TENM2: variants seen among roughly 807,000 people sequenced by gnomAD.
TENM2 encodes the protein teneurin-2.
In TENM2, 52 loss-of-function variants were observed where a neutral mutation model predicts 245.2. The ratio of observed to expected loss-of-function variants is 0.21; its 90% CI spans 0.17 to 0.27. The LOEUF (loss-of-function observed/expected upper bound fraction) is 0.27, where lower values mean the gene tolerates loss of function less well. Ranked by LOEUF, TENM2 falls within the 10% of genes least tolerant of loss-of-function variation. The pLI is 1.00. For synonymous variants in TENM2, 1,363 were observed against 1,438.9 expected, an observed-to-expected ratio of 0.95 and a Z score of 1.19; for missense variants, 3,046 against 3,666.8, an observed-to-expected ratio of 0.83 and a Z score of 4.37.
intron 4 of TENM2, among the ~76,000 whole-genome samples, chr5:167,987,996 G>A (rs2151992358): frequency 1.3e-5 from 2 of 152,278 alleles, no homozygotes; most frequent in South Asian, 2.1e-4. Context: ...TCTTTCAGCT[G>A]CAATCATCAC....
At chr5:167,267,287 C>G in the TENM2 span, among the ~76,000 whole-genome samples, 1 of 152,100 alleles carries the variant, frequency 6.6e-6, no homozygotes, top group Non-Finnish European at 1.5e-5. Context: ...ATCAAGCATG[C>G]CTTTCTTTTC....
intron 4 of TENM2, among the ~76,000 whole-genome samples, chr5:167,973,556 G>T (rs1273125643): frequency 6.6e-6 from 1 of 152,178 alleles, no homozygotes; most frequent in African/African-American, 2.4e-5. Context: ...CTGGACATGA[G>T]CTCAGGGGAC....
chr5:168,239,884 C>T (rs1473680757), intron 25 of TENM2, among the ~76,000 whole-genome samples: 2 of 151,886 alleles, frequency 1.3e-5, no homozygotes, highest in African/African-American at 4.8e-5. Flanking sequence ...GTATTTTAAC[C>T]AAGAGTACAC....
At chr5:167,393,085 G>C (rs954127013) in intron 2 of TENM2, among the ~76,000 whole-genome samples, 1 of 150,084 alleles carries the variant, frequency 6.7e-6, no homozygotes, top group Non-Finnish European at 1.5e-5. Flanking sequence ...TCATGCTACT[G>C]CACTCCAGCA....
intron 2 of TENM2, among the ~76,000 whole-genome samples, chr5:167,459,665 A>G (rs1766157389): frequency 6.6e-6 from 1 of 152,188 alleles, no homozygotes. Context: ...CTCCACATAC[A>G]CACCAACACC....
chr5:167,011,238 G>T, the TENM2 span, among the ~76,000 whole-genome samples: 3 of 152,176 alleles, frequency 2.0e-5, no homozygotes, highest in Non-Finnish European at 2.9e-5. Flanking sequence ...AAGAGCCATT[G>T]TAACTGGAAA....
rs922409820 is a variant in TENM2, at chr5:167,511,055, T to C, written c.502+135582T>C. On this transcript the variant is annotated intron_variant, in intron 2 of 28. Coordinates refer to ENST00000518659, the Ensembl canonical transcript of TENM2. ...ACCATCCCTTTCTTCTTCTACATTT[T>C]ATCCTATGCCATTTATCCCACATGT... Among the ~76,000 whole-genome samples, 6 of 152,210 alleles carry C rather than the reference T, an allele frequency of 3.9e-5. No homozygotes were observed. The South Asian group carries it at 6.2e-4, about 16-fold the overall frequency.
At chr5:167,573,905 G>A (rs973249857) in intron 2 of TENM2, 2 of 148,716 alleles carry the variant, frequency 1.3e-5, no homozygotes, top group East Asian at 2.1e-4. Context: ...GAAAAAAAAA[G>A]AAAGAAAAAA....
intron 25 of TENM2, among the ~76,000 whole-genome samples, chr5:168,241,639 G>A (rs948923789): frequency 6.6e-6 from 1 of 151,984 alleles, no homozygotes; most frequent in African/African-American, 2.4e-5. Context: ...AAACAGCAAT[G>A]GTTTGGAGAA....
intron 5 of TENM2, among the ~76,000 whole-genome samples, chr5:168,035,775 G>C (rs976117354): frequency 2.0e-5 from 3 of 152,150 alleles, no homozygotes; most frequent in Non-Finnish European, 4.4e-5. Flanking sequence ...CCTTGCTAGA[G>C]TTGCCAGATT....
At chr5:167,195,385 C>T in the TENM2 span, among the ~76,000 whole-genome samples, 6 of 151,976 alleles carry the variant, frequency 3.9e-5, no homozygotes, top group African/African-American at 1.4e-4. Flanking sequence ...TTATTGAGCA[C>T]ATACTATAAG....
At chr5:167,091,192 T>C in the TENM2 span, among the ~76,000 whole-genome samples, 5 of 152,176 alleles carry the variant, frequency 3.3e-5, no homozygotes, top group African/African-American at 4.8e-5. Context: ...ATTGTCTTTA[T>C]AAGCCTATTT....
chr5:167,894,147 T>G (rs1308539419), intron 3 of TENM2, among the ~76,000 whole-genome samples: 2 of 152,150 alleles, frequency 1.3e-5, no homozygotes, highest in African/African-American at 2.4e-5. Context: ...TGTTACCCAG[T>G]AAGCACCATT....
At chr5:167,991,362 G>A (rs941428058) in intron 4 of TENM2, among the ~76,000 whole-genome samples, 1 of 152,158 alleles carries the variant, frequency 6.6e-6, no homozygotes, top group Non-Finnish European at 1.5e-5. Flanking sequence ...GGGAACATAG[G>A]ACGAACAAGG....
At chr5:167,366,812 T>C (rs1384302125) in intron 1 of TENM2, among the ~76,000 whole-genome samples, 1 of 152,108 alleles carries the variant, frequency 6.6e-6, no homozygotes, top group Non-Finnish European at 1.5e-5. Flanking sequence ...AAAAATTGTT[T>C]ATGGAGGAAG....
At chr5:168,063,837 A>G (rs963801472) in intron 7 of TENM2, among the ~76,000 whole-genome samples, 5 of 152,172 alleles carry the variant, frequency 3.3e-5, no homozygotes, top group Admixed American at 6.6e-5. Context: ...AATGATCAAT[A>G]TAAGAACTAA....
In TENM2 at chr5:167,951,422, C is replaced by T. The variant is rs188322775; in HGVS notation, c.713-1166C>T. 3.4e-4 allele frequency among the ~76,000 whole-genome samples: 52 copies of T among 152,270 alleles called. No individual in the cohort carries two copies. In the Middle Eastern group the frequency reaches 0.01, roughly 30 times the overall value. ...AGTCATGTTTCAGCATCCATTAAAA[C>T]GAAATTATAGGCTTCATCGCATAGC... On this transcript the variant is annotated intron_variant, in intron 3 of 28. Coordinates refer to ENST00000518659, the Ensembl canonical transcript of TENM2.
At chr5:167,506,217 A>G (rs1769536100) in intron 2 of TENM2, among the ~76,000 whole-genome samples, 1 of 152,214 alleles carries the variant, frequency 6.6e-6, no homozygotes, top group South Asian at 2.1e-4. Flanking sequence ...AGTATTTTAC[A>G]TGGATGTTCT....
At chr5:168,093,609 G>A (rs1793132117) in intron 8 of TENM2, among the ~76,000 whole-genome samples, 1 of 152,138 alleles carries the variant, frequency 6.6e-6, no homozygotes, top group Non-Finnish European at 1.5e-5. Context: ...GATGTGTTTT[G>A]GAGAGAAGCA....
Sources: gnomAD v4.1 joint callset for allele counts (sites outside exome capture counted in the v4.1 genomes callset) on GRCh38, gnomAD v4.1.1 for gene constraint, MANE v1.5 for transcripts, NCBI Gene and HGNC (gene_info 2026-07-23, HGNC 2026-07-21) for gene names.